Variants in ZBTB20 observed in about 807,000 individuals in gnomAD.
ZBTB20 encodes the protein zinc finger and BTB domain-containing protein 20.
Under a neutral mutation model 56.9 loss-of-function variants are expected in ZBTB20, and 9 were observed. That is an observed-to-expected ratio of 0.16 (90% CI 0.10 to 0.28). The LOEUF (loss-of-function observed/expected upper bound fraction) is 0.28, where lower values mean the gene tolerates loss of function less well. Ranked by LOEUF, ZBTB20 falls within the 10% of genes least tolerant of loss-of-function variation. ZBTB20 has a pLI of 1.00. For missense variants in ZBTB20, 655 were observed against 1,003.0 expected (o/e 0.65, Z 4.69); for synonymous variants, 417 against 420.7 (o/e 0.99, Z 0.11).
chr3:114,347,077 GTTTTTTTTT>G (rs59044965), intron 11 of ZBTB20, among the ~76,000 whole-genome samples: 1 of 71,022 alleles, frequency 1.4e-5, no homozygotes, highest in African/African-American at 6.5e-5. Flanking sequence ...TTCTCTTCAG[GTTTTTTTTT>G]TTTTTTTTTT....
chr3:114,518,263 T>C (rs2046250564), intron 6 of ZBTB20, among the ~76,000 whole-genome samples: 1 of 151,738 alleles, frequency 6.6e-6, no homozygotes, highest in Admixed American at 6.6e-5. Flanking sequence ...TCAAATATAC[T>C]AAGAACACCA....
chr3:114,362,967 A>G (rs1367356105), intron 10 of ZBTB20, among the ~76,000 whole-genome samples: 1 of 152,132 alleles, frequency 6.6e-6, no homozygotes, highest in Non-Finnish European at 1.5e-5. Context: ...TGTTTAGAAT[A>G]TTTTCTCTTG....
At chr3:115,063,701 T>C (rs918261003) in intron 2 of ZBTB20, among the ~76,000 whole-genome samples, 1 of 151,534 alleles carries the variant, frequency 6.6e-6, no homozygotes, top group Non-Finnish European at 1.5e-5. Flanking sequence ...ACACACAGTT[T>C]ACCAGTTAAA....
intron 7 of ZBTB20, among the ~76,000 whole-genome samples, chr3:114,467,678 T>C (rs927160000): frequency 6.6e-6 from 1 of 152,230 alleles, no homozygotes; most frequent in Admixed American, 6.5e-5. Flanking sequence ...AGGAAAAATG[T>C]TGGCATTATT....
At chr3:114,472,886 A>G (rs1161344957) in intron 7 of ZBTB20, among the ~76,000 whole-genome samples, 1 of 152,202 alleles carries the variant, frequency 6.6e-6, no homozygotes, top group Non-Finnish European at 1.5e-5. Flanking sequence ...AAACCAAACC[A>G]AAGAGGGTAT....
intron 10 of ZBTB20, among the ~76,000 whole-genome samples, chr3:114,371,107 A>T (rs531121605): frequency 1.3e-5 from 2 of 152,282 alleles, no homozygotes; most frequent in South Asian, 4.2e-4. Flanking sequence ...TGCTCATGGT[A>T]GGCCCTACTT....
rs1285718245 is a variant in ZBTB20 at position 114,743,049 on chromosome 3, T to C, written c.-342-49474A>G. Among the ~76,000 whole-genome samples, 6 of 152,174 alleles carry C rather than the reference T, an allele frequency of 3.9e-5. No homozygotes were observed. In the East Asian group the frequency reaches 9.6e-4, roughly 24 times the overall value. ...TATTATGATTTTTGGAGAAGTAATA[T>C]ACAAGTGACAATTTTTTTACAAAGC... On this transcript the variant is annotated intron_variant, in intron 5 of 11. Transcript: ENST00000675478.
At chr3:114,923,873 AAAT>A (rs1216526448) in intron 3 of ZBTB20, among the ~76,000 whole-genome samples, 5 of 152,170 alleles carry the variant, frequency 3.3e-5, no homozygotes, top group African/African-American at 7.2e-5. Flanking sequence ...TGGCAAAAAA[AAAT>A]AATAACAATA....
intron 6 of ZBTB20, among the ~76,000 whole-genome samples, chr3:114,616,623 A>G (rs2057964939): frequency 1.3e-5 from 2 of 152,110 alleles, no homozygotes; most frequent in Admixed American, 6.6e-5. Flanking sequence ...TCATCTTTCA[A>G]TATATTTTTC....
chr3:114,805,622 C>T (rs929016992), intron 4 of ZBTB20, among the ~76,000 whole-genome samples: 1 of 151,730 alleles, frequency 6.6e-6, no homozygotes, highest in African/African-American at 2.4e-5. Context: ...TGAGATATAA[C>T]TTATATAACA....
At position 114,766,489 on chromosome 3, in the gene ZBTB20, A is replaced by ATGTGTGTGTGTGTGTG. The variant is rs71297433; in HGVS notation, c.-343+34596_-343+34611dup. On this transcript the variant is annotated intron_variant, in intron 5 of 11. Coordinates refer to ENST00000675478, the MANE Select transcript of ZBTB20 (RefSeq NM_001348800.3). ...AAAAGGATTCAATAGTGGGATGGAAATGTGTGTGTGTGTGTGTGTGTGTGT... is the reference window on the plus strand; with the variant it reads ...AAAAGGATTCAATAGTGGGATGGAAATGTGTGTGTGTGTGTGTGTGTGTGTGTGTGTGTGTGTGTGT... Among the ~76,000 whole-genome samples the ATGTGTGTGTGTGTGTG allele has an allele frequency of 5.5e-4, 76 of 139,080 alleles. 1 individual carries two copies. Among genetic ancestry groups the ATGTGTGTGTGTGTGTG allele is most frequent in the East Asian group, 1.1e-3 (5 of 4,660 alleles). 91.2% of individuals were successfully genotyped at this position (139,080 alleles called of 152,430 possible).
At chr3:115,144,681 T>C (rs964660831) in intron 1 of ZBTB20, 8 of 152,224 alleles carry the variant, frequency 5.3e-5, no homozygotes, top group African/African-American at 1.7e-4. Context: ...ATATGTGCAT[T>C]TTCTTGGTTT....
intron 4 of ZBTB20, among the ~76,000 whole-genome samples, chr3:114,879,936 T>C (rs529652588): frequency 1.3e-5 from 2 of 152,290 alleles, no homozygotes; most frequent in Non-Finnish European, 2.9e-5. Flanking sequence ...TGAAAGATGA[T>C]ATATATGCTC....
chr3:114,493,808 T>C (rs779957112), intron 7 of ZBTB20, among the ~76,000 whole-genome samples: 1 of 152,222 alleles, frequency 6.6e-6, no homozygotes, highest in Admixed American at 6.5e-5. Context: ...CAAGTTATAT[T>C]GTGAGACCAT....
intron 1 of ZBTB20, among the ~76,000 whole-genome samples, chr3:115,128,598 A>C (rs2084403707): frequency 6.6e-6 from 1 of 151,090 alleles, no homozygotes; most frequent in African/African-American, 2.4e-5. Flanking sequence ...CAGGAGGCGG[A>C]GGTTGCAGTG....
intron 6 of ZBTB20, among the ~76,000 whole-genome samples, chr3:114,629,833 G>A (rs1453328732): frequency 6.6e-6 from 1 of 152,216 alleles, no homozygotes; most frequent in Non-Finnish European, 1.5e-5. Context: ...AGAGTAGCTA[G>A]TAAGAAGTAA....
At chr3:114,528,618 T>C (rs563290720) in intron 6 of ZBTB20, 66 of 152,288 alleles carry the variant, frequency 4.3e-4, no homozygotes, top group African/African-American at 1.6e-3. Context: ...CTCAAACTTA[T>C]ACTTTCCTCA....
At chr3:114,870,545 C>G (rs1485183670) in intron 4 of ZBTB20, among the ~76,000 whole-genome samples, 1 of 151,556 alleles carries the variant, frequency 6.6e-6, no homozygotes, top group Non-Finnish European at 1.5e-5. Flanking sequence ...AATTCTGAGC[C>G]TTGCTTCAGT....
intron 3 of ZBTB20, among the ~76,000 whole-genome samples, chr3:114,958,779 C>T (rs907434392): frequency 1.5e-4 from 23 of 149,030 alleles, no homozygotes; most frequent in African/African-American, 5.0e-5. Context: ...AACTAGGAAG[C>T]GGAAGAAGTT....
Sources: allele counts gnomAD v4.1 joint callset (sites outside exome capture counted in the v4.1 genomes callset), GRCh38; gene constraint gnomAD v4.1.1; transcripts MANE v1.5; gene names NCBI Gene and HGNC (gene_info 2026-07-23, HGNC 2026-07-21).